Variants in P2RY8 observed in about 807,000 individuals in gnomAD.
P2RY8 encodes P2Y receptor family member 8, also known as S-geranylgeranyl-glutathione receptor P2RY8.
A neutral mutation model predicts 10.0 loss-of-function variants in P2RY8; 6 were observed. That is an observed-to-expected ratio of 0.60 (90% confidence interval 0.33 to 1.19). The LOEUF is 1.19. P2RY8 is among the 50% of genes most tolerant of loss of function. P2RY8 has a pLI of 0.04. For synonymous variants in P2RY8, 276 were observed against 252.5 expected (o/e 1.09, Z -0.88); for missense variants, 456 against 542.0 (o/e 0.84, Z 1.58).
At chrX:1,471,747 A>G (rs1191363021) in intron 1 of P2RY8, among the ~76,000 whole-genome samples, 2 of 152,086 alleles carry the variant, frequency 1.3e-5, no homozygotes, top group African/African-American at 4.8e-5. Flanking sequence ...GGTTGGGATG[A>G]GAAATAGACA....
chrX:1,516,080 C>T (rs2092345967), intron 1 of P2RY8, among the ~76,000 whole-genome samples: 1 of 151,560 alleles, frequency 6.6e-6, no homozygotes, highest in Admixed American at 6.6e-5. Flanking sequence ...ACCTGTAATC[C>T]CACCTACTTG....
At chrX:1,484,669 A>T (rs113038944) in intron 1 of P2RY8, among the ~76,000 whole-genome samples, 25,804 of 141,976 alleles carry the variant, frequency 0.18, 2,645 homozygotes, top group Non-Finnish European at 0.24. Context: ...CGGAGGTTGC[A>T]GTGAGCTGAG....
rs1464578822 is a variant in P2RY8, at chrX:1,463,205, C to T, written c.*2274G>A. On this transcript the variant is annotated 3_prime_UTR_variant, in exon 2 of 2. Coordinates refer to ENST00000381297, the MANE Select transcript of P2RY8 (RefSeq NM_178129.5). Reference sequence around the variant, plus strand: ...CCCCATGAGACACACCCAAGGCCCACGCTCAGCACTTGCGACCTGTACTCC... The same window carrying T: ...CCCCATGAGACACACCCAAGGCCCATGCTCAGCACTTGCGACCTGTACTCC... The T allele has an allele frequency of 4.7e-5, 11 of 233,192 alleles. No homozygotes were observed. Among genetic ancestry groups the T allele is most frequent in the South Asian group, 1.8e-4 (1 of 5,518 alleles). 14.4% of individuals were successfully genotyped at this position (233,192 alleles called of 1,614,324 possible).
In P2RY8 at chrX:1,462,844, G is replaced by C. The variant is rs1304974070; in HGVS notation, c.*2635C>G. 4.3e-6 allele frequency: 1 copy of C among 232,898 alleles called. No individual in the cohort carries two copies. The highest frequency in any genetic ancestry group is 8.5e-6 in the Non-Finnish European group (1 of 117,964). 14.4% of individuals were successfully genotyped at this position (232,898 alleles called of 1,614,324 possible). A position where few individuals can be genotyped will look rare whatever the true frequency, so the allele number is the denominator to read the frequency against. On this transcript the variant is annotated 3_prime_UTR_variant, in exon 2 of 2. Transcript: ENST00000381297. ...CTTAAAACATGTGTGTGAGTCAATA[G>C]ACCTGTGTTATCTTTTCACTCAAAG...
intron 1 of P2RY8, among the ~76,000 whole-genome samples, chrX:1,530,606 ATATG>A (rs1336615611): frequency 6.6e-6 from 1 of 150,648 alleles, no homozygotes. Flanking sequence ...TTATCTATCT[ATATG>A]TATGTGTGTA....
chrX:1,528,650 G>T (rs748373146), intron 1 of P2RY8, among the ~76,000 whole-genome samples: 1 of 152,336 alleles, frequency 6.6e-6, no homozygotes, highest in East Asian at 1.9e-4. Context: ...GAGTCTCTTT[G>T]AATGCGTGTG....
At chrX:1,493,199 A>C (rs2092071866) in intron 1 of P2RY8, among the ~76,000 whole-genome samples, 1 of 149,908 alleles carries the variant, frequency 6.7e-6, no homozygotes, top group Non-Finnish European at 1.5e-5. Flanking sequence ...GAGGCAGGAG[A>C]ATCACTTGAA....
intron 1 of P2RY8, among the ~76,000 whole-genome samples, chrX:1,530,277 CTAT>C (rs2092465381): frequency 3.4e-5 from 5 of 147,254 alleles, no homozygotes; most frequent in Non-Finnish European, 7.4e-5. Flanking sequence ...CATTATCTAT[CTAT>C]CTATCTATCT....
chrX:1,496,405 C>T (rs1355819135), intron 1 of P2RY8, among the ~76,000 whole-genome samples: 1 of 152,192 alleles, frequency 6.6e-6, no homozygotes, highest in African/African-American at 2.4e-5. Context: ...AGAAGGCTCA[C>T]AGCCACAGCC....
At chrX:1,466,850 C>T (rs181561818) in intron 1 of P2RY8, among the ~76,000 whole-genome samples, 101 of 149,464 alleles carry the variant, frequency 6.8e-4, no homozygotes, top group African/African-American at 2.2e-3. Flanking sequence ...CTCTCTCCTT[C>T]CTTCTCTTCT....
chrX:1,481,017 T>G (rs2091928781), intron 1 of P2RY8, among the ~76,000 whole-genome samples: 1 of 151,686 alleles, frequency 6.6e-6, no homozygotes, highest in African/African-American at 2.4e-5. Flanking sequence ...AATTGCAAAT[T>G]AATACCGCCG....
chrX:1,505,365 G>C (rs1367449639), intron 1 of P2RY8, among the ~76,000 whole-genome samples: 7 of 152,142 alleles, frequency 4.6e-5, no homozygotes, highest in Admixed American at 4.6e-4. Flanking sequence ...GCGTCTTAAT[G>C]ACCACAGATA....
At chrX:1,513,584 C>A (rs759174343) in intron 1 of P2RY8, among the ~76,000 whole-genome samples, 1 of 151,202 alleles carries the variant, frequency 6.6e-6, no homozygotes, top group East Asian at 2.0e-4. Context: ...CATTTTGGGC[C>A]CACTCTAATC....
At chrX:1,531,042 G>A (rs1243637025) in intron 1 of P2RY8, among the ~76,000 whole-genome samples, 1 of 135,418 alleles carries the variant, frequency 7.4e-6, no homozygotes, top group Non-Finnish European at 1.6e-5. Flanking sequence ...TCTATTTATC[G>A]ATTCTATCTA....
At chrX:1,508,674 C>CCA in intron 1 of P2RY8, among the ~76,000 whole-genome samples, 1 of 136,296 alleles carries the variant, frequency 7.3e-6, no homozygotes, top group South Asian at 2.3e-4. Context: ...ATGTATTTAT[C>CCA]TATCCATCAT....
intron 1 of P2RY8, among the ~76,000 whole-genome samples, chrX:1,530,304 T>C (rs1219799573): frequency 6.6e-6 from 1 of 151,466 alleles, no homozygotes; most frequent in Non-Finnish European, 1.5e-5. Flanking sequence ...TATCTATCTA[T>C]CTATCTGTCA....
intron 1 of P2RY8, among the ~76,000 whole-genome samples, chrX:1,534,753 T>C (rs1469848768): frequency 6.6e-6 from 1 of 152,136 alleles, no homozygotes; most frequent in African/African-American, 2.4e-5. Context: ...AGCGCAGGGC[T>C]GTACGTATGC....
At chrX:1,484,560 A>G (rs1363304784) in intron 1 of P2RY8, among the ~76,000 whole-genome samples, 2 of 151,508 alleles carry the variant, frequency 1.3e-5, no homozygotes, top group Non-Finnish European at 2.9e-5. Context: ...CCTCGTCTGT[A>G]CTAAAAATAC....
At chrX:1,516,466 C>A (rs185545876) in intron 1 of P2RY8, among the ~76,000 whole-genome samples, 1,899 of 150,812 alleles carry the variant, frequency 0.013, 45 homozygotes, top group African/African-American at 0.044. Context: ...CGTTTCTAAG[C>A]CGCCCAGTCT....
Sources: allele counts gnomAD v4.1 joint callset (sites outside exome capture counted in the v4.1 genomes callset), GRCh38; gene constraint gnomAD v4.1.1; transcripts MANE v1.5; gene names NCBI Gene and HGNC (gene_info 2026-07-23, HGNC 2026-07-21).